The following PHACTR1 variants were observed in gnomAD, a reference collection of about 807,000 sequenced individuals.
PHACTR1 encodes the protein RPEL repeat containing 1.
In PHACTR1, 16 loss-of-function variants were observed where a neutral mutation model predicts 69.2. That is an observed-to-expected ratio of 0.23 (90% CI 0.16 to 0.35). The LOEUF is 0.35. Ranked by LOEUF, PHACTR1 falls within the 10% of genes least tolerant of loss-of-function variation. The probability of loss-of-function intolerance (pLI) is 1.00; values close to 1 mark genes in which losing one functional copy is unlikely to be tolerated. For synonymous variants in PHACTR1, 312 were observed against 284.5 expected, an observed-to-expected ratio of 1.10 and a Z score of -0.97; for missense variants, 510 against 734.7, an observed-to-expected ratio of 0.69 and a Z score of 3.54.
At chr6:12,858,552 G>T (rs1050713412) in intron 4 of PHACTR1, among the ~76,000 whole-genome samples, 6 of 152,092 alleles carry the variant, frequency 3.9e-5, no homozygotes, top group African/African-American at 1.4e-4. Flanking sequence ...CCGCACTTTG[G>T]AAGGCCTAGG....
intron 5 of PHACTR1, among the ~76,000 whole-genome samples, chr6:13,068,147 C>T (rs964236488): frequency 8.5e-5 from 13 of 152,068 alleles, no homozygotes; most frequent in Non-Finnish European, 1.8e-4. Context: ...TGAAACCCCA[C>T]CTCTACTAAA....
chr6:12,875,207 T>G (rs1782412346), intron 4 of PHACTR1, among the ~76,000 whole-genome samples: 1 of 152,220 alleles, frequency 6.6e-6, no homozygotes, highest in African/African-American at 2.4e-5. Context: ...GACATTGTAC[T>G]TAATGTATTC....
At chr6:12,816,934 G>A (rs745786881) in intron 4 of PHACTR1, among the ~76,000 whole-genome samples, 11 of 152,278 alleles carry the variant, frequency 7.2e-5, no homozygotes, top group Middle Eastern at 3.4e-3. Flanking sequence ...TTTGCCAACC[G>A]GGAAGGACAC....
At position 12,857,463 on chromosome 6, in the gene PHACTR1, T is replaced by A. The variant is rs181265501; in HGVS notation, c.250+107673T>A. On this transcript the variant is annotated intron_variant, in intron 4 of 14. Transcript: ENST00000332995. ...ACTAAAAATACAAAAATTAGCTGTG[T>A]GTGGTGGTGCGTGCCTTTATTCCCA... Among the ~76,000 whole-genome samples the A allele has an allele frequency of 6.6e-5, 10 of 152,118 alleles. No homozygotes were observed. In the East Asian group the frequency reaches 1.2e-3, roughly 18 times the overall value.
chr6:13,184,205 C>T (rs1469013264), intron 7 of PHACTR1, among the ~76,000 whole-genome samples: 2 of 152,212 alleles, frequency 1.3e-5, no homozygotes, highest in African/African-American at 4.8e-5. Context: ...CGTCCAGTGC[C>T]TGGGGTGCAG....
Position 12,972,664 on chromosome 6 carries a change from T to C in PHACTR1, c.251-80701T>C, listed in dbSNP as rs1186073853. On this transcript the variant is annotated intron_variant, in intron 4 of 14. Coordinates refer to ENST00000332995, the MANE Select transcript of PHACTR1 (RefSeq NM_030948.6). ...TTTCTTTCTTTCTTTCTTTTTTTTT[T>C]TTTTTGAGACAGAGTCTCACTCTGT... Among the ~76,000 whole-genome samples the C allele has an allele frequency of 5.3e-5, 8 of 150,646 alleles. No individual in the cohort carries two copies. The East Asian group carries it at 1.6e-3, about 29-fold the overall frequency.
intron 8 of PHACTR1, among the ~76,000 whole-genome samples, chr6:13,207,201 T>C (rs1766068655): frequency 6.6e-6 from 1 of 152,240 alleles, no homozygotes; most frequent in East Asian, 1.9e-4. Flanking sequence ...CTTTTATATT[T>C]CATATCTTTC....
chr6:13,197,989 G>T (rs1764671390), intron 7 of PHACTR1, among the ~76,000 whole-genome samples: 1 of 152,152 alleles, frequency 6.6e-6, no homozygotes, highest in Non-Finnish European at 1.5e-5. Context: ...TTCTGATAAG[G>T]TCCCAGGCCA....
At chr6:13,134,203 G>A (rs1279997262) in intron 5 of PHACTR1, among the ~76,000 whole-genome samples, 1 of 149,898 alleles carries the variant, frequency 6.7e-6, no homozygotes, top group Admixed American at 6.6e-5. Flanking sequence ...CCCGGAGGGA[G>A]GTAGGGGGCA....
chr6:13,138,984 C>G (rs1336886452), intron 5 of PHACTR1, among the ~76,000 whole-genome samples: 3 of 152,112 alleles, frequency 2.0e-5, no homozygotes, highest in Admixed American at 2.0e-4. Context: ...CCATCTTGAG[C>G]TTCTTTAGAT....
chr6:13,047,557 G>C (rs1320635027), intron 4 of PHACTR1, among the ~76,000 whole-genome samples: 13 of 151,916 alleles, frequency 8.6e-5, no homozygotes, highest in Admixed American at 8.5e-4. Flanking sequence ...CAACATAAAC[G>C]TTCTGTTATT....
intron 4 of PHACTR1, chr6:12,957,476 A>G (rs2127561229): frequency 1.0e-6 from 1 of 985,410 alleles, no homozygotes; most frequent in Non-Finnish European, 1.2e-6. Context: ...GGTTGCCTCC[A>G]ATGTCAAGTA....
At chr6:12,962,080 C>T (rs1427865018) in intron 4 of PHACTR1, among the ~76,000 whole-genome samples, 2 of 152,078 alleles carry the variant, frequency 1.3e-5, no homozygotes, top group African/African-American at 2.4e-5. Flanking sequence ...AGGGGTATGA[C>T]ACCACCTTAG....
At chr6:12,831,582 G>A (rs971855623) in intron 4 of PHACTR1, among the ~76,000 whole-genome samples, 15 of 152,104 alleles carry the variant, frequency 9.9e-5, no homozygotes, top group African/African-American at 3.6e-4. Context: ...TCCAAGTGTG[G>A]CTTCTCTCGA....
intron 4 of PHACTR1, among the ~76,000 whole-genome samples, chr6:12,874,244 C>A (rs1782328319): frequency 6.6e-6 from 1 of 152,140 alleles, no homozygotes; most frequent in African/African-American, 2.4e-5. Context: ...GCTTGACACA[C>A]TTTCAGTAGC....
chr6:12,886,394 C>T (rs1337225159), intron 4 of PHACTR1, among the ~76,000 whole-genome samples: 1 of 152,130 alleles, frequency 6.6e-6, no homozygotes, highest in African/African-American at 2.4e-5. Context: ...AAAGCATTTC[C>T]ATCATACTTT....
At chr6:12,957,102 T>TGGGGGGGGGGGGGG (rs1582689554) in intron 4 of PHACTR1, among the ~76,000 whole-genome samples, 2 of 75,424 alleles carry the variant, frequency 2.7e-5, no homozygotes, top group East Asian at 4.8e-4. Flanking sequence ...TGCTGGGGGG[T>TGGGGGGGGGGGGGG]GGGGGAAAGG....
chr6:12,886,528 CAAGT>C (rs145220224), intron 4 of PHACTR1, among the ~76,000 whole-genome samples: 7,903 of 152,082 alleles, frequency 0.052, 303 homozygotes, highest in African/African-American at 0.12. Context: ...TTAATTGAGA[CAAGT>C]AGAGAGATTA....
chr6:12,898,062 G>A (rs1169991174), intron 4 of PHACTR1, among the ~76,000 whole-genome samples: 1 of 152,112 alleles, frequency 6.6e-6, no homozygotes, highest in Admixed American at 6.6e-5. Flanking sequence ...TTATTCTACT[G>A]AACTTCCGGG....
Sources: allele counts gnomAD v4.1 joint callset (sites outside exome capture counted in the v4.1 genomes callset), GRCh38; gene constraint gnomAD v4.1.1; transcripts MANE v1.5; gene names NCBI Gene and HGNC (gene_info 2026-07-23, HGNC 2026-07-21).